Variants in SF3A3 observed in about 807,000 individuals in gnomAD.
The protein encoded by SF3A3 is splicing factor 3a subunit 3, also known as SAP 61.
A neutral mutation model predicts 85.8 loss-of-function variants in SF3A3; 9 were observed. The ratio of observed to expected loss-of-function variants is 0.10; its 90% CI spans 0.06 to 0.18. The LOEUF is 0.18. SF3A3 is among the 10% of genes least tolerant of loss of function. SF3A3 has a pLI of 1.00. For missense variants in SF3A3, 306 were observed against 593.3 expected, an observed-to-expected ratio of 0.52 and a Z score of 5.03; for synonymous variants, 195 against 204.4, an observed-to-expected ratio of 0.95 and a Z score of 0.39.
chr1:37,972,682 C>T (rs966170030), intron 12 of SF3A3, among the ~76,000 whole-genome samples: 1 of 152,158 alleles, frequency 6.6e-6, no homozygotes, highest in African/African-American at 2.4e-5. Flanking sequence ...GAGATATAGA[C>T]CAATGGAACA....
intron 8 of SF3A3, among the ~76,000 whole-genome samples, chr1:37,979,954 G>A (rs1646405736): frequency 2.0e-5 from 3 of 152,186 alleles, no homozygotes; most frequent in African/African-American, 4.8e-5. Context: ...TCTCCCTGGA[G>A]AGTTCAGGAA....
At chr1:37,976,777 T>C (rs1646382299) in intron 12 of SF3A3, 107 bp downstream of exon 12, 1 of 756,908 alleles carries the variant, frequency 1.3e-6, no homozygotes, top group Admixed American at 2.0e-5. Context: ...GTTTATCAGC[T>C]ATCCACTCCT....
chr1:37,967,336 G>C (rs1446014299), intron 15 of SF3A3, among the ~76,000 whole-genome samples: 2 of 150,748 alleles, frequency 1.3e-5, no homozygotes, highest in African/African-American at 4.9e-5. Flanking sequence ...CTGAGGTCGG[G>C]AGTTCAAGGC....
rs754748549 is a variant in SF3A3 at position 37,978,873 on chromosome 1, C to T, written c.828-46G>A. The T allele has an allele frequency of 4.5e-6, 7 of 1,568,210 alleles. No homozygotes were observed. The South Asian group carries it at 6.7e-5, about 15-fold the overall frequency. On this transcript the variant is annotated intron_variant, in intron 10 of 16. Coordinates refer to ENST00000373019, the MANE Select transcript of SF3A3 (RefSeq NM_006802.4). Reference sequence around the variant, plus strand: ...AGGATTTTAGGGTTACTTTACCACACAGGCTGGCTTATTTTTGCAGTGTGG... The same window carrying T: ...AGGATTTTAGGGTTACTTTACCACATAGGCTGGCTTATTTTTGCAGTGTGG...
At chr1:37,986,469 G>A (rs193289195) in intron 4 of SF3A3, among the ~76,000 whole-genome samples, 123 of 152,186 alleles carry the variant, frequency 8.1e-4, no homozygotes, top group African/African-American at 2.7e-3. Flanking sequence ...CTTTCTGATG[G>A]AAGCCTTCCC....
intron 12 of SF3A3, among the ~76,000 whole-genome samples, chr1:37,975,881 G>A (rs1646376163): frequency 6.6e-6 from 1 of 152,232 alleles, no homozygotes; most frequent in Admixed American, 6.5e-5. Flanking sequence ...ATTGGGCTGG[G>A]CGCGGTGGCT....
chr1:37,967,679 A>C (rs1171161958), intron 15 of SF3A3, among the ~76,000 whole-genome samples: 1 of 5,322 alleles, frequency 1.9e-4, no homozygotes, highest in African/African-American at 9.1e-4. Context: ...CTCCGTCACA[A>C]AAAAAAAAAA....
intron 13 of SF3A3, 24 bp downstream of exon 13, chr1:37,969,547 G>T: frequency 6.2e-7 from 1 of 1,614,220 alleles, no homozygotes; most frequent in Non-Finnish European, 8.5e-7. Flanking sequence ...GGAATGGGGA[G>T]AAAGTGGTAG....
chr1:37,984,606 A>G, intron 5 of SF3A3, 101 bp downstream of exon 5: 3 of 857,832 alleles, frequency 3.5e-6, no homozygotes, highest in South Asian at 2.9e-5. Flanking sequence ...AACCAGCAAG[A>G]AATCCTGGCT....
chr1:37,987,502 GT>G, intron 4 of SF3A3, 70 bp downstream of exon 4: 1 of 1,133,522 alleles, frequency 8.8e-7, no homozygotes, highest in Non-Finnish European at 1.3e-6. Context: ...CACATGTCCA[GT>G]TTCCTTTATA....
chr1:37,981,487 A>G (rs1646418407), intron 7 of SF3A3, among the ~76,000 whole-genome samples: 1 of 152,226 alleles, frequency 6.6e-6, no homozygotes, highest in Non-Finnish European at 1.5e-5. Context: ...TTCTATAATG[A>G]GACAAAATTA....
chr1:37,989,983 T>C lies in SF3A3; in HGVS notation c.-18A>G, dbSNP rs2148726646. 1.3e-6 allele frequency: 2 copies of C among 1,591,344 alleles called. No homozygotes were observed. Among genetic ancestry groups the C allele is most frequent in the Non-Finnish European group, 1.7e-6 (2 of 1,165,140 alleles). ...GTCTCCATCTTCCCTTAGTCGCGGC[T>C]TCTCAATTCAGACCACCAACACGGC... On this transcript the variant is annotated 5_prime_UTR_variant, in exon 1 of 17. Transcript: ENST00000373019.
At chr1:37,982,415 G>A (rs543510919) in intron 6 of SF3A3, among the ~76,000 whole-genome samples, 1 of 151,382 alleles carries the variant, frequency 6.6e-6, no homozygotes, top group East Asian at 1.9e-4. Context: ...TTGTTGCCCA[G>A]GCTGGAGTGC....
chr1:37,973,001 T>C (rs1646353946), intron 12 of SF3A3, among the ~76,000 whole-genome samples: 1 of 152,044 alleles, frequency 6.6e-6, no homozygotes, highest in African/African-American at 2.4e-5. Context: ...GCTAACATGG[T>C]GAAACCCTGT....
intron 7 of SF3A3, 115 bp from the exon 8 acceptor site, chr1:37,980,839 CTCTTTTT>C: frequency 3.2e-6 from 1 of 309,520 alleles, no homozygotes; most frequent in Non-Finnish European, 5.4e-6. Context: ...CTTTTTAATA[CTCTTTTT>C]TTTTTTTTTT....
intron 1 of SF3A3, 132 bp from the exon 2 acceptor site, chr1:37,989,727 G>A (rs1233496246): frequency 8.0e-7 from 1 of 1,254,188 alleles, no homozygotes; most frequent in Non-Finnish European, 1.1e-6. Context: ...CCGGACCCCG[G>A]GAGGAGGTTA....
At chr1:37,960,537 A>T (rs28653705) in intron 15 of SF3A3, 151 of 215,758 alleles carry the variant, frequency 7.0e-4, no homozygotes, top group African/African-American at 3.3e-3. Context: ...GTTCAATAAC[A>T]ATCTCTATGA....
intron 3 of SF3A3, 26 bp downstream of exon 3, chr1:37,987,758 C>G: frequency 6.2e-7 from 1 of 1,609,780 alleles, no homozygotes; most frequent in Middle Eastern, 1.7e-4. Context: ...GCACTAACTC[C>G]TGGATTAGCT....
At chr1:37,978,544 G>A (rs1289958119) in intron 11 of SF3A3, among the ~76,000 whole-genome samples, 176 bp downstream of exon 11, 1 of 152,026 alleles carries the variant, frequency 6.6e-6, no homozygotes, top group African/African-American at 2.4e-5. Flanking sequence ...GACGGTCCTT[G>A]GTTTATATTA....
Sources: gnomAD v4.1 joint callset for allele counts (sites outside exome capture counted in the v4.1 genomes callset) on GRCh38, gnomAD v4.1.1 for gene constraint, MANE v1.5 for transcripts, NCBI Gene and HGNC (gene_info 2026-07-23, HGNC 2026-07-21) for gene names.